Variants in SWT1 observed in about 807,000 individuals in gnomAD.
The protein encoded by SWT1 is transcriptional protein SWT1.
A neutral mutation model predicts 107.3 loss-of-function variants in SWT1; 33 were observed. The observed-to-expected ratio is 0.31, with a 90% CI of 0.23 to 0.41. SWT1 has a LOEUF of 0.41. Among genes scored for constraint, SWT1 ranks in the 10% least tolerant of loss-of-function variants. The pLI, the probability that SWT1 is intolerant of heterozygous loss-of-function variation, is 1.00. For synonymous variants in SWT1, 345 were observed against 348.3 expected (o/e 0.99, Z 0.11); for missense variants, 898 against 1,028.9 (o/e 0.87, Z 1.74).
intron 18 of SWT1, among the ~76,000 whole-genome samples, chr1:185,286,790 T>G (rs1022748552): frequency 6.6e-6 from 1 of 152,182 alleles, no homozygotes; most frequent in Non-Finnish European, 1.5e-5. Flanking sequence ...TTATTTCTTA[T>G]TCATGCCTAA....
intron 15 of SWT1, among the ~76,000 whole-genome samples, chr1:185,222,422 G>T (rs1558052331): frequency 6.6e-6 from 1 of 151,996 alleles, no homozygotes; most frequent in African/African-American, 2.4e-5. Context: ...TTTTCATGAG[G>T]TATTCATCAG....
chr1:185,206,051 C>T (rs1465006519), intron 12 of SWT1, among the ~76,000 whole-genome samples: 3 of 151,880 alleles, frequency 2.0e-5, no homozygotes, highest in Non-Finnish European at 4.4e-5. Flanking sequence ...CTCCTCCTTC[C>T]GGTTTCAAGC....
chr1:185,269,131 C>T (rs1009435883), intron 16 of SWT1, among the ~76,000 whole-genome samples: 3 of 152,150 alleles, frequency 2.0e-5, no homozygotes, highest in Admixed American at 6.5e-5. Context: ...GGATAACAGG[C>T]GTGAGCCACC....
intron 2 of SWT1, among the ~76,000 whole-genome samples, chr1:185,164,959 T>C (rs145359143): frequency 1.3e-5 from 2 of 152,370 alleles, no homozygotes; most frequent in African/African-American, 4.8e-5. Context: ...TTGACATACC[T>C]TCCTCAGTAA....
chr1:185,276,263 A>G lies in SWT1; in HGVS notation c.2509-341A>G, dbSNP rs534513245. Among the ~76,000 whole-genome samples the G allele has an allele frequency of 1.1e-4, 17 of 152,314 alleles. No individual in the cohort carries two copies. The South Asian group carries it at 3.5e-3, about 32-fold the overall frequency. On this transcript the variant is annotated intron_variant, in intron 17 of 18. Transcript: ENST00000367500. ...TAATCTGAAAAATATATTTCTTCAG[A>G]AAATGTCTGTAAATCAAACTTTTTC...
intron 18 of SWT1, chr1:185,281,110 G>A: frequency 4.1e-6 from 1 of 245,586 alleles, no homozygotes; most frequent in Non-Finnish European, 8.2e-6. Context: ...TGTTTAAGAA[G>A]GTAAATAAAT....
chr1:185,255,801 G>A (rs1431886597), intron 16 of SWT1, among the ~76,000 whole-genome samples: 1 of 151,496 alleles, frequency 6.6e-6, no homozygotes, highest in African/African-American at 2.4e-5. Flanking sequence ...ATATTGTTAT[G>A]TGTGAATTTG....
intron 18 of SWT1, among the ~76,000 whole-genome samples, chr1:185,280,028 T>A (rs1400286903): frequency 2.6e-5 from 4 of 152,162 alleles, no homozygotes; most frequent in Admixed American, 2.6e-4. Context: ...GGTTAGGTTT[T>A]GTGTCCCCAC....
At chr1:185,203,345 C>T (rs1421079429) in intron 11 of SWT1, among the ~76,000 whole-genome samples, 18 of 151,962 alleles carry the variant, frequency 1.2e-4, no homozygotes, top group Admixed American at 5.9e-4. Context: ...AGTAACAGGC[C>T]GGGTGCACTG....
At chr1:185,203,407 T>C (rs1175495399) in intron 11 of SWT1, among the ~76,000 whole-genome samples, 1 of 152,114 alleles carries the variant, frequency 6.6e-6, no homozygotes, top group Non-Finnish European at 1.5e-5. Context: ...GTGGATCACC[T>C]GAGGAGTTCG....
intron 14 of SWT1, among the ~76,000 whole-genome samples, chr1:185,221,050 GACACACACACACACAC>G (rs59643566): frequency 6.7e-6 from 1 of 149,750 alleles, no homozygotes; most frequent in African/African-American, 2.4e-5. Flanking sequence ...CGTGCACACA[GACACACACACACACAC>G]ACACACACAC....
In SWT1 at chr1:185,201,114, G is replaced by T. The variant is rs561144630; in HGVS notation, c.1524-1540G>T. Among the ~76,000 whole-genome samples, 214 of 152,126 alleles carry T rather than the reference G, an allele frequency of 1.4e-3. 2 individuals carry two copies. The highest frequency in any genetic ancestry group is 4.9e-3 in the African/African-American group (204 of 41,492). ...ATGCCCCTCCCCCCACCAAATTCCA[G>T]CATCCTAGGTTGACTTCAGACTGCT... is the stretch of plus-strand genomic sequence containing the variant. On this transcript the variant is annotated intron_variant, in intron 10 of 18. Coordinates refer to ENST00000367500, the MANE Select transcript of SWT1 (RefSeq NM_017673.7).
intron 1 of SWT1, among the ~76,000 whole-genome samples, chr1:185,159,115 C>T (rs1054591358): frequency 2.0e-5 from 3 of 152,130 alleles, no homozygotes; most frequent in African/African-American, 7.2e-5. Context: ...ACAAGGCAGA[C>T]GTCATGATAT....
chr1:185,200,563 G>A (rs1441652331), intron 10 of SWT1, among the ~76,000 whole-genome samples: 1 of 152,084 alleles, frequency 6.6e-6, no homozygotes, highest in Non-Finnish European at 1.5e-5. Context: ...TGTTTGCCTG[G>A]GTATCACCAG....
In SWT1 at chr1:185,174,895, G is replaced by A; in HGVS notation, c.748G>A (p.Glu250Lys). The A allele has an allele frequency of 6.2e-7, 1 of 1,613,984 alleles. No homozygotes were observed. Among genetic ancestry groups the A allele is most frequent in the Non-Finnish European group, 8.5e-7 (1 of 1,179,960 alleles). Reference sequence around the variant, plus strand: ...TGACACCCTCCAGAAACTTGTAGAAGAAAATGTCTTCAACATAGATTCTAA... The same window carrying A: ...TGACACCCTCCAGAAACTTGTAGAAAAAAATGTCTTCAACATAGATTCTAA... The part of the protein sequence containing the change: ...SRDTLQKLVE[E>K]NVFNIDSNNS... The change falls in exon 5 of 19, where the codon GAA (glutamate) becomes AAA (lysine). Residue 250 changes from glutamate (E) to lysine (K), a missense_variant. Physicochemically the swap from Glu to Lys is moderately conservative, Grantham distance 56. Around this residue, in one of 6 missense-constraint regions of SWT1, gnomAD observed 382 missense variants for 362.4 expected, o/e 1.05. Transcript: ENST00000367500.
chr1:185,190,659 T>C lies in SWT1; in HGVS notation c.1523+17T>C. On this transcript the variant is annotated intron_variant, in intron 10 of 18. Transcript: ENST00000367500. ...TCTGTGCACGTGAGTTTCATAGTCA[T>C]TTGACTTTTTATTTTTAAAAAATAA... The C allele has an allele frequency of 2.8e-6, 4 of 1,441,460 alleles. No individual in the cohort carries two copies. The highest frequency in any genetic ancestry group is 3.9e-6 in the Non-Finnish European group (4 of 1,035,462). 89.3% of individuals were successfully genotyped at this position (1,441,460 alleles called of 1,614,324 possible). A position where few individuals can be genotyped will look rare whatever the true frequency, so the allele number is the denominator to read the frequency against.
At chr1:185,254,299 GAGTT>G (rs2102660253) in intron 16 of SWT1, among the ~76,000 whole-genome samples, 1 of 132,308 alleles carries the variant, frequency 7.6e-6, no homozygotes, top group Admixed American at 7.5e-5. Flanking sequence ...CTCATAAAAA[GAGTT>G]AGGGAGGATT....
chr1:185,173,896 G>A (rs1289758546), intron 4 of SWT1, among the ~76,000 whole-genome samples: 1 of 152,076 alleles, frequency 6.6e-6, no homozygotes, highest in African/African-American at 2.4e-5. Context: ...GCATGCTCCT[G>A]TAGTCCCAGT....
rs1665221747 is a variant in SWT1, at chr1:185,290,983, A to G, written c.*180A>G. 7.6e-6 allele frequency: 3 copies of G among 393,786 alleles called. No homozygotes were observed. The highest frequency in any genetic ancestry group is 4.6e-5 in the South Asian group (1 of 21,668). The allele number at this position is 393,786 out of a possible 1,614,324, so 24.4% of individuals were successfully genotyped here. On this transcript the variant is annotated 3_prime_UTR_variant, in exon 19 of 19. Transcript: ENST00000367500. ...TAGCTCTAAAAAGCCTAATGTATCCACTGTGGAATAAACTCCATAGACTCA... is the reference window on the plus strand; with the variant it reads ...TAGCTCTAAAAAGCCTAATGTATCCGCTGTGGAATAAACTCCATAGACTCA...
Sources: gnomAD v4.1 joint callset for allele counts (sites outside exome capture counted in the v4.1 genomes callset) on GRCh38, gnomAD v4.1.1 for gene constraint, gnomAD v4.1.1 regional missense constraint, MANE v1.5 for transcripts, NCBI Gene and HGNC (gene_info 2026-07-23, HGNC 2026-07-21) for gene names.